The following ZNF827 variants were observed in gnomAD, a reference collection of about 807,000 sequenced individuals.
ZNF827 encodes zinc finger protein 827.
A neutral mutation model predicts 102.4 loss-of-function variants in ZNF827; 13 were observed. The observed-to-expected ratio is 0.13, with a 90% CI of 0.08 to 0.20. ZNF827 has a LOEUF of 0.20. ZNF827 is among the 10% of genes least tolerant of loss of function. The probability of loss-of-function intolerance (pLI) is 1.00; values close to 1 mark genes in which losing one functional copy is unlikely to be tolerated. For synonymous variants in ZNF827, 523 were observed against 536.2 expected (o/e 0.98, Z 0.34); for missense variants, 1,103 against 1,344.4 (o/e 0.82, Z 2.81).
intron 3 of ZNF827, 116 bp downstream of exon 3, chr4:145,892,127 G>GCA: frequency 3.1e-6 from 3 of 957,494 alleles, no homozygotes; most frequent in Non-Finnish European, 4.5e-6. Context: ...ACTGTCATCC[G>GCA]CATGTTTCAT....
chr4:145,792,375 GA>G (rs558828688), intron 8 of ZNF827, among the ~76,000 whole-genome samples: 5,099 of 115,754 alleles, frequency 0.044, 206 homozygotes, highest in African/African-American at 0.12. Flanking sequence ...GTTGTCATAA[GA>G]AAAAAAAAAA....
chr4:145,765,786 C>T lies in ZNF827; in HGVS notation c.2861-48G>A, dbSNP rs1290644711. On this transcript the variant is annotated intron_variant, in intron 11 of 14. Transcript: ENST00000508784. This position sits in a 1 kb window ranked among gnomAD's most constrained non-coding sequence, Gnocchi z 4.7. ...AGTCTGTTAATGAGATGAAAATCCTCAGAATTATAGCAACTGAGGGTGACG... is the reference window on the plus strand; with the variant it reads ...AGTCTGTTAATGAGATGAAAATCCTTAGAATTATAGCAACTGAGGGTGACG... 2 of 1,578,070 alleles carry T rather than the reference C, an allele frequency of 1.3e-6. No homozygotes were observed. Among genetic ancestry groups the T allele is most frequent in the East Asian group, 2.3e-5 (1 of 44,424 alleles).
At chr4:145,794,540 A>T (rs1165503539) in intron 8 of ZNF827, among the ~76,000 whole-genome samples, 3 of 151,854 alleles carry the variant, frequency 2.0e-5, no homozygotes, top group Non-Finnish European at 4.4e-5. Flanking sequence ...TACAAAAATT[A>T]GCCAGGTATG....
At chr4:145,787,124 G>A (rs1738967381) in intron 8 of ZNF827, among the ~76,000 whole-genome samples, 1 of 152,186 alleles carries the variant, frequency 6.6e-6, no homozygotes, top group Non-Finnish European at 1.5e-5. Context: ...GATTTCTGCT[G>A]GCCAAGGTGT....
chr4:145,841,189 T>C (rs1044624847), intron 7 of ZNF827, among the ~76,000 whole-genome samples: 7 of 152,220 alleles, frequency 4.6e-5, no homozygotes, highest in Non-Finnish European at 1.0e-4. Flanking sequence ...AGCCATTGTT[T>C]GAAGTTCATG....
chr4:145,900,371 T>C (rs773680310), intron 2 of ZNF827, among the ~76,000 whole-genome samples: 4 of 152,128 alleles, frequency 2.6e-5, no homozygotes, highest in Admixed American at 6.5e-5. Context: ...ATTTATTCAA[T>C]AACTAGATAT....
At chr4:145,845,344 G>T (rs1382172250) in intron 7 of ZNF827, among the ~76,000 whole-genome samples, 1 of 152,116 alleles carries the variant, frequency 6.6e-6, no homozygotes, top group African/African-American at 2.4e-5. Context: ...AGCCCACACT[G>T]GCTAACCTCC....
intron 1 of ZNF827, among the ~76,000 whole-genome samples, chr4:145,912,155 T>C (rs190555984): frequency 2.3e-3 from 344 of 152,320 alleles, no homozygotes; most frequent in African/African-American, 7.4e-3. Flanking sequence ...TACGCAATAT[T>C]TTCAAAATTT....
intron 1 of ZNF827, among the ~76,000 whole-genome samples, chr4:145,934,666 A>C (rs1308814443): frequency 3.9e-5 from 6 of 152,204 alleles, no homozygotes; most frequent in Non-Finnish European, 7.3e-5. Context: ...TGGAACTTCC[A>C]GGTTCCCTGG....
chr4:145,928,488 C>T (rs971098012), intron 1 of ZNF827, among the ~76,000 whole-genome samples: 2 of 152,200 alleles, frequency 1.3e-5, no homozygotes, highest in Non-Finnish European at 2.9e-5. Flanking sequence ...CATGAATTCA[C>T]ACCTCAAGTG....
At chr4:145,807,613 A>AGG (rs1290974246) in intron 8 of ZNF827, among the ~76,000 whole-genome samples, 2 of 151,808 alleles carry the variant, frequency 1.3e-5, no homozygotes, top group Non-Finnish European at 2.9e-5. Flanking sequence ...CTGGGATTAC[A>AGG]GGCGCCCACC....
chr4:145,926,865 T>C (rs1312979427), intron 1 of ZNF827, among the ~76,000 whole-genome samples: 1 of 151,702 alleles, frequency 6.6e-6, no homozygotes, highest in Non-Finnish European at 1.5e-5. Flanking sequence ...AGTATGTGAG[T>C]AGCCATTTGT....
chr4:145,825,773 T>C (rs982601199), intron 7 of ZNF827, among the ~76,000 whole-genome samples: 3 of 152,178 alleles, frequency 2.0e-5, no homozygotes, highest in Non-Finnish European at 2.9e-5. Flanking sequence ...CTATTATCAC[T>C]GAGCTGCTCA....
chr4:145,821,712 C>CTGAGATA (rs1743160164), intron 8 of ZNF827, among the ~76,000 whole-genome samples: 1 of 152,118 alleles, frequency 6.6e-6, no homozygotes, highest in Non-Finnish European at 1.5e-5. Context: ...CTCAGTTATG[C>CTGAGATA]TGACCTTCTC....
At chr4:145,789,497 T>C (rs1182244843) in intron 8 of ZNF827, among the ~76,000 whole-genome samples, 1 of 152,228 alleles carries the variant, frequency 6.6e-6, no homozygotes, top group African/African-American at 2.4e-5. Flanking sequence ...ATATTTAATA[T>C]TTAACCTTAT....
In ZNF827 at chr4:145,870,261, A is replaced by G. The variant is rs1277205129; in HGVS notation, c.1965T>C (p.Leu655=). The change falls in exon 5 of 15, where the codon CTT becomes CTC. Residue 655 remains leucine (L), a synonymous_variant. Coordinates refer to ENST00000508784, the MANE Select transcript of ZNF827 (RefSeq NM_001306215.2). ...ATCAAGTACCTGAGAGTTTCATGAGAAGTTCAGAGGCTGCTTTGACTGACA... is the reference window on the plus strand; with the variant it reads ...ATCAAGTACCTGAGAGTTTCATGAGGAGTTCAGAGGCTGCTTTGACTGACA... ...RDVSVKAASE[L]LMKLSAESYK... is the part of the protein sequence containing the mutation. 6.2e-7 allele frequency: 1 copy of G among 1,613,698 alleles called. No homozygotes were observed. Among genetic ancestry groups the G allele is most frequent in the Non-Finnish European group, 8.5e-7 (1 of 1,179,838 alleles).
chr4:145,859,418 CAAT>C (rs913972852), intron 5 of ZNF827, among the ~76,000 whole-genome samples: 5 of 152,048 alleles, frequency 3.3e-5, no homozygotes, highest in African/African-American at 4.8e-5. Flanking sequence ...TCGCAACAGC[CAAT>C]AATAAGTGAG....
At chr4:145,814,500 C>T (rs1255262992) in intron 8 of ZNF827, among the ~76,000 whole-genome samples, 2 of 152,216 alleles carry the variant, frequency 1.3e-5, no homozygotes, top group Non-Finnish European at 2.9e-5. Flanking sequence ...CAGAGGTCCC[C>T]AGGGAAATTA....
intron 8 of ZNF827, among the ~76,000 whole-genome samples, chr4:145,817,765 T>C (rs561180538): frequency 2.0e-5 from 3 of 152,338 alleles, no homozygotes; most frequent in South Asian, 4.1e-4. Flanking sequence ...TCTCTTTCTA[T>C]AGGAAACTGG....
Sources: gnomAD v4.1 joint callset for allele counts (sites outside exome capture counted in the v4.1 genomes callset) on GRCh38, gnomAD v4.1.1 for gene constraint, Gnocchi (gnomAD v3.1) non-coding constraint, MANE v1.5 for transcripts, NCBI Gene and HGNC (gene_info 2026-07-23, HGNC 2026-07-21) for gene names.